The following TTYH2 variants were observed in gnomAD, a reference collection of about 807,000 sequenced individuals.
TTYH2 encodes the protein protein tweety homolog 2.
TTYH2 carries 49 observed loss-of-function variants against 68.3 expected under a neutral mutation model. The ratio of observed to expected loss-of-function variants is 0.72; its 90% CI spans 0.57 to 0.91. The LOEUF is 0.91. Ranked by LOEUF, TTYH2 falls within the 40% of genes least tolerant of loss-of-function variation. The pLI is 0.00. For synonymous variants in TTYH2, 272 were observed against 300.8 expected (o/e 0.90, Z 0.99); for missense variants, 631 against 700.4 (o/e 0.90, Z 1.12).
At chr17:74,226,426 C>T (rs1323326305) in intron 2 of TTYH2, among the ~76,000 whole-genome samples, 1 of 152,112 alleles carries the variant, frequency 6.6e-6, no homozygotes, top group African/African-American at 2.4e-5. Flanking sequence ...GGAAGAGGAA[C>T]CAAGCTGACC....
rs189509412 is a variant in TTYH2 at position 74,239,399 on chromosome 17, G to A, written c.635+1885G>A. On this transcript the variant is annotated intron_variant, in intron 4 of 13. Transcript: ENST00000269346. The surrounding 1 kb of genome is among the most constrained non-coding windows in gnomAD (Gnocchi z 5.3). ...GTGTCAGTTCTTTGGATCCCTCCCCGCACCCTCCATTTGTTGGCTCCTCTT... is the reference window on the plus strand; with the variant it reads ...GTGTCAGTTCTTTGGATCCCTCCCCACACCCTCCATTTGTTGGCTCCTCTT... Among the ~76,000 whole-genome samples the A allele has an allele frequency of 2.0e-5, 3 of 152,278 alleles. No individual in the cohort carries two copies. The highest frequency in any genetic ancestry group is 1.9e-4 in the East Asian group (1 of 5,180).
chr17:74,250,463 C>G (rs1054354023), intron 10 of TTYH2, 106 bp downstream of exon 10: 1 of 919,866 alleles, frequency 1.1e-6, no homozygotes, highest in Non-Finnish European at 1.6e-6. Flanking sequence ...GCCTGGGTCC[C>G]CTTCCGGCCC....
chr17:74,234,166 C>G (rs374480957), intron 3 of TTYH2, among the ~76,000 whole-genome samples: 1 of 152,198 alleles, frequency 6.6e-6, no homozygotes, highest in South Asian at 2.1e-4. Context: ...CTTCAGCGGT[C>G]CTGGGGCAGG....
Position 74,232,636 on chromosome 17 carries a change from C to A in TTYH2, c.414+1637C>A, listed in dbSNP as rs2050401675. On this transcript the variant is annotated intron_variant, in intron 3 of 13. Coordinates refer to ENST00000269346, the MANE Select transcript of TTYH2 (RefSeq NM_032646.6). This position sits in a 1 kb window ranked among gnomAD's most constrained non-coding sequence, Gnocchi z 5.1. ...GGCCCCATGGTCACTGCCCTCTAGG[C>A]TCTCTCTGCCCCTCCCTGCCATCCT... is the stretch of plus-strand genomic sequence containing the variant. Among the ~76,000 whole-genome samples the A allele has an allele frequency of 6.6e-6, 1 of 152,152 alleles. No homozygotes were observed. The highest frequency in any genetic ancestry group is 1.5e-5 in the Non-Finnish European group (1 of 68,006).
intron 2 of TTYH2, 24 bp from the exon 3 acceptor site, chr17:74,230,864 C>G: frequency 6.2e-7 from 1 of 1,611,730 alleles, no homozygotes; most frequent in Non-Finnish European, 8.5e-7. Context: ...CACCTCTAAC[C>G]TCTGTTTGGG....
At chr17:74,252,511 C>A in intron 11 of TTYH2, 135 bp downstream of exon 11, 1 of 1,144,822 alleles carries the variant, frequency 8.7e-7, no homozygotes, top group Non-Finnish European at 1.2e-6. Flanking sequence ...GCATTCAGCC[C>A]AACAGGCTGG....
At chr17:74,233,657 C>A (rs1476196603) in intron 3 of TTYH2, among the ~76,000 whole-genome samples, 1 of 152,112 alleles carries the variant, frequency 6.6e-6, no homozygotes, top group Non-Finnish European at 1.5e-5. Flanking sequence ...TGCTCCAAGT[C>A]CTCCTTTCCT....
At chr17:74,251,231 T>G (rs927778043) in intron 10 of TTYH2, among the ~76,000 whole-genome samples, 2 of 149,968 alleles carry the variant, frequency 1.3e-5, no homozygotes, top group African/African-American at 4.9e-5. Context: ...TGTGCCTGTA[T>G]GTGTGTGTGG....
chr17:74,219,911 T>C lies in TTYH2; in HGVS notation c.130-2574T>C, dbSNP rs548664133. 8.5e-5 allele frequency among the ~76,000 whole-genome samples: 13 copies of C among 152,308 alleles called. No individual in the cohort carries two copies. In the South Asian group the frequency reaches 1.9e-3, roughly 22 times the overall value. The stretch of plus-strand genomic sequence containing the variant: ...TTCTGAGGGACACAGCCCTCCTTTC[T>C]GTAAAGCAGAATTGCTGGGTCATGG... On this transcript the variant is annotated intron_variant, in intron 1 of 13. Coordinates refer to ENST00000269346, the MANE Select transcript of TTYH2 (RefSeq NM_032646.6).
At chr17:74,225,842 AG>A (rs112015567) in intron 2 of TTYH2, among the ~76,000 whole-genome samples, 7,981 of 152,284 alleles carry the variant, frequency 0.052, 658 homozygotes, top group African/African-American at 0.18. Flanking sequence ...AGAACAGGGC[AG>A]GGGACAGAGG....
intron 13 of TTYH2, among the ~76,000 whole-genome samples, chr17:74,258,368 C>A (rs1178510392): frequency 6.6e-6 from 1 of 150,850 alleles, no homozygotes; most frequent in East Asian, 2.0e-4. Flanking sequence ...CAGGACCAAG[C>A]GATTCTCCTG....
chr17:74,242,963 G>T (rs2050516944), intron 4 of TTYH2, among the ~76,000 whole-genome samples: 1 of 152,134 alleles, frequency 6.6e-6, no homozygotes, highest in Non-Finnish European at 1.5e-5. Context: ...GCCATGTGTG[G>T]CTATTGAAAT....
rs554806909 is a variant in TTYH2 at position 74,238,485 on chromosome 17, A to G, written c.635+971A>G. ...GTGATCATGGCTCATTGTAGCCTTG[A>G]ACTCCTGGGCTCAAGTGATCCTCCC... On this transcript the variant is annotated intron_variant, in intron 4 of 13. Coordinates refer to ENST00000269346, the MANE Select transcript of TTYH2 (RefSeq NM_032646.6). 6.6e-5 allele frequency among the ~76,000 whole-genome samples: 10 copies of G among 152,034 alleles called. No homozygotes were observed. In the South Asian group the frequency reaches 2.1e-3, roughly 32 times the overall value.
Position 74,230,877 on chromosome 17 carries a change from C to T in TTYH2, c.303-11C>T, listed in dbSNP as rs147027087. The T allele has an allele frequency of 5.2e-3, 8,340 of 1,613,668 alleles. 22 individuals are homozygous for T. The highest frequency in any genetic ancestry group is 6.5e-3 in the Non-Finnish European group (7,683 of 1,179,676). ...ATCACCTCTAACCTCTGTTTGGGAT[C>T]TTGCTTATAGTGCTGCGGTGGGCGT... is the stretch of plus-strand genomic sequence containing the variant. On this transcript the variant is annotated splice_polypyrimidine_tract_variant and intron_variant, in intron 2 of 13. Coordinates refer to ENST00000269346, the MANE Select transcript of TTYH2 (RefSeq NM_032646.6).
intron 2 of TTYH2, among the ~76,000 whole-genome samples, chr17:74,224,481 A>G (rs1433423381): frequency 6.6e-6 from 1 of 152,242 alleles, no homozygotes; most frequent in Non-Finnish European, 1.5e-5. Context: ...AACAGTAAGA[A>G]TGGCATGAGG....
chr17:74,249,969 A>C lies in TTYH2; in HGVS notation c.964A>C (p.Met322Leu). 1.2e-6 allele frequency: 2 copies of C among 1,614,038 alleles called. No individual in the cohort carries two copies. Among genetic ancestry groups the C allele is most frequent in the Non-Finnish European group, 1.7e-6 (2 of 1,179,988 alleles). ...CACCTTCCAGCGCGCACTTACCACCATGCAGATCCAGGTCGCGGGGCTGCT... is the reference window on the plus strand; with the variant it reads ...CACCTTCCAGCGCGCACTTACCACCCTGCAGATCCAGGTCGCGGGGCTGCT... ...LTTFQRALTT[M>L]QIQVAGLLQF... Residue 322 changes from methionine (M) to leucine (L), a missense_variant, in exon 9 of 14, where the codon ATG becomes CTG. Coordinates refer to ENST00000269346, the MANE Select transcript of TTYH2 (RefSeq NM_032646.6).
chr17:74,254,819 T>C (rs1216794528), intron 13 of TTYH2, among the ~76,000 whole-genome samples: 1 of 152,264 alleles, frequency 6.6e-6, no homozygotes, highest in East Asian at 1.9e-4. Flanking sequence ...TTTAGATTTC[T>C]GTTTACCTTA....
At position 74,261,888 on chromosome 17, in the gene TTYH2, A is replaced by G. The variant is rs2050754711; in HGVS notation, c.*1679A>G. On this transcript the variant is annotated 3_prime_UTR_variant, in exon 14 of 14. Coordinates refer to ENST00000269346, the MANE Select transcript of TTYH2 (RefSeq NM_032646.6). The stretch of plus-strand genomic sequence containing the variant: ...GCTTCTTAAAGTTTCATTATTGGCA[A>G]CTAGAGGGTTGTTTTTAATGCATGG... The G allele has an allele frequency of 6.6e-6, 1 of 152,548 alleles. No individual in the cohort carries two copies. The highest frequency in any genetic ancestry group is 1.5e-5 in the Non-Finnish European group (1 of 68,036). 9.4% of individuals were successfully genotyped at this position (152,548 alleles called of 1,614,324 possible). A position where few individuals can be genotyped will look rare whatever the true frequency, so the allele number is the denominator to read the frequency against.
In TTYH2 at chr17:74,232,207, C is replaced by T. The variant is rs2050396637; in HGVS notation, c.414+1208C>T. On this transcript the variant is annotated intron_variant, in intron 3 of 13. Coordinates refer to ENST00000269346, the MANE Select transcript of TTYH2 (RefSeq NM_032646.6). The surrounding 1 kb of genome is among the most constrained non-coding windows in gnomAD (Gnocchi z 5.1). ...AGGATTGGACCCCATTTGCCCCCCT[C>T]CTGCTCCCTTAAGCTCCTCTAAGGC... 1.3e-5 allele frequency among the ~76,000 whole-genome samples: 2 copies of T among 152,350 alleles called. No homozygotes were observed. Among genetic ancestry groups the T allele is most frequent in the South Asian group, 4.1e-4 (2 of 4,834 alleles).
Sources: gnomAD v4.1 joint callset for allele counts (sites outside exome capture counted in the v4.1 genomes callset) on GRCh38, gnomAD v4.1.1 for gene constraint, Gnocchi (gnomAD v3.1) non-coding constraint, MANE v1.5 for transcripts, NCBI Gene and HGNC (gene_info 2026-07-23, HGNC 2026-07-21) for gene names.